Variants in ABI1 observed in about 807,000 individuals in gnomAD.
ABI1 encodes abl interactor 1.
Under a neutral mutation model 54.6 loss-of-function variants are expected in ABI1, and 14 were observed. That is an observed-to-expected ratio of 0.26 (90% confidence interval 0.17 to 0.40). The LOEUF is 0.40. ABI1 is among the 10% of genes least tolerant of loss of function. The pLI, the probability that ABI1 is intolerant of heterozygous loss-of-function variation, is 1.00. For missense variants in ABI1, 443 were observed against 598.3 expected (o/e 0.74, Z 2.71); for synonymous variants, 194 against 209.3 (o/e 0.93, Z 0.63).
At chr10:26,823,060 A>G in intron 2 of ABI1, 78 bp downstream of exon 2, 1 of 1,279,316 alleles carries the variant, frequency 7.8e-7, no homozygotes, top group Non-Finnish European at 1.1e-6. Context: ...AGAAATCCAT[A>G]CATGCAGGCT....
intron 9 of ABI1, among the ~76,000 whole-genome samples, chr10:26,754,746 A>C (rs995267218): frequency 1.3e-5 from 2 of 152,226 alleles, no homozygotes; most frequent in African/African-American, 4.8e-5. Flanking sequence ...AAATGAAGTA[A>C]ATTAAAAATA....
At chr10:26,789,314 G>C (rs1843130324) in intron 2 of ABI1, among the ~76,000 whole-genome samples, 1 of 152,122 alleles carries the variant, frequency 6.6e-6, no homozygotes, top group Non-Finnish European at 1.5e-5. Flanking sequence ...AATCAAAATA[G>C]AATATACATG....
chr10:26,822,738 G>C (rs1193299846), intron 2 of ABI1, among the ~76,000 whole-genome samples: 4 of 152,148 alleles, frequency 2.6e-5, no homozygotes, highest in Non-Finnish European at 4.4e-5. Flanking sequence ...AATTTGGCAG[G>C]GGGAAAGGGG....
At chr10:26,857,085 C>T (rs971265758) in intron 1 of ABI1, among the ~76,000 whole-genome samples, 3 of 152,054 alleles carry the variant, frequency 2.0e-5, no homozygotes, top group East Asian at 1.9e-4. Flanking sequence ...TTTGGGAGGC[C>T]GAGGAGGGCA....
At chr10:26,843,573 T>C (rs2049751813) in intron 1 of ABI1, among the ~76,000 whole-genome samples, 1 of 144,558 alleles carries the variant, frequency 6.9e-6, no homozygotes, top group South Asian at 2.2e-4. Context: ...TGTATTGCAA[T>C]TCTCCTCAGT....
At position 26,770,268 on chromosome 10, in the gene ABI1, G is replaced by A. The variant is rs1840506901; in HGVS notation, c.555C>T (p.Pro185=). 6.2e-7 allele frequency: 1 copy of A among 1,613,986 alleles called. No homozygotes were observed. Among genetic ancestry groups the A allele is most frequent in the East Asian group, 2.2e-5 (1 of 44,858 alleles). The part of the protein sequence containing the change: ...NPPTQKPPSP[P]MSGRGTLGRN... ...ACCCCAGTGTTCCCCGGCCTGACATGGGAGGACTTGGCGGTTTCTGAGTAG... is the reference window on the plus strand; with the variant it reads ...ACCCCAGTGTTCCCCGGCCTGACATAGGAGGACTTGGCGGTTTCTGAGTAG... Residue 185 remains proline, a synonymous_variant, in exon 5 of 11, where the codon CCC becomes CCT. Transcript: ENST00000376140.
intron 7 of ABI1, among the ~76,000 whole-genome samples, chr10:26,761,811 T>C (rs1289464254): frequency 2.0e-4 from 30 of 151,576 alleles, no homozygotes; most frequent in Admixed American, 2.0e-3. Context: ...TGGCTATGCA[T>C]ATCAATGTCA....
intron 2 of ABI1, among the ~76,000 whole-genome samples, chr10:26,821,094 AG>A (rs1414692793): frequency 2.7e-5 from 4 of 149,812 alleles, no homozygotes; most frequent in Non-Finnish European, 5.9e-5. Flanking sequence ...AATACAAAAA[AG>A]TTCACTGGGC....
At chr10:26,828,834 T>A (rs865902540) in intron 1 of ABI1, among the ~76,000 whole-genome samples, 1 of 152,244 alleles carries the variant, frequency 6.6e-6, no homozygotes. Context: ...TCATTAATTA[T>A]GTCACTGAGA....
At position 26,824,625 on chromosome 10, in the gene ABI1, G is replaced by A. The variant is rs142515849; in HGVS notation, c.118-1320C>T. Among the ~76,000 whole-genome samples the A allele has an allele frequency of 6.6e-5, 10 of 151,864 alleles. No individual in the cohort carries two copies. In the East Asian group the frequency reaches 1.5e-3, roughly 23 times the overall value. On this transcript the variant is annotated intron_variant, in intron 1 of 10. Coordinates refer to ENST00000376140, the MANE Select transcript of ABI1 (RefSeq NM_001012750.3). ...TTGCTAAGGTGAAAAAAAAAATGTG[G>A]GAAAAAATGTGTATAATATGCTACT...
At chr10:26,794,938 G>A (rs1843948809) in intron 2 of ABI1, among the ~76,000 whole-genome samples, 2 of 152,064 alleles carry the variant, frequency 1.3e-5, no homozygotes, top group Admixed American at 6.6e-5. Flanking sequence ...GAGGCCAGGA[G>A]TTTGAGACCA....
intron 2 of ABI1, among the ~76,000 whole-genome samples, chr10:26,779,931 A>C (rs1197587391): frequency 6.6e-6 from 1 of 152,228 alleles, no homozygotes; most frequent in Non-Finnish European, 1.5e-5. Flanking sequence ...GAAGAATCAG[A>C]AACTAGCTCA....
At chr10:26,828,679 C>T (rs996955122) in intron 1 of ABI1, among the ~76,000 whole-genome samples, 4 of 152,120 alleles carry the variant, frequency 2.6e-5, no homozygotes, top group African/African-American at 9.7e-5. Flanking sequence ...TTCGAATGTA[C>T]ATTCTTAATA....
intron 10 of ABI1, 113 bp from the exon 11 acceptor site, chr10:26,748,858 TTTC>T (rs1837245896): frequency 1.3e-5 from 10 of 784,634 alleles, no homozygotes; most frequent in Admixed American, 3.0e-5. Flanking sequence ...TTTATGAAGA[TTTC>T]TTAATTTTTG....
chr10:26,775,902 A>ACATG (rs1321573863), intron 3 of ABI1, among the ~76,000 whole-genome samples: 1 of 152,186 alleles, frequency 6.6e-6, no homozygotes, highest in African/African-American at 2.4e-5. Context: ...ATGTATACAT[A>ACATG]CATGCATGCA....
chr10:26,768,926 G>A lies in ABI1; in HGVS notation c.645C>T (p.Thr215=). The A allele has an allele frequency of 6.2e-7, 1 of 1,613,318 alleles. No individual in the cohort carries two copies. The highest frequency in any genetic ancestry group is 8.5e-7 in the Non-Finnish European group (1 of 1,179,446). The change falls in exon 6 of 11, where the codon ACC becomes ACT. Residue 215 remains threonine (T), a synonymous_variant. Transcript: ENST00000376140. ...GCTGACTTCCAAGCCTAGCAGGACTGGTCATATAGTCATTAGGAACTGTTG... is the reference window on the plus strand; with the variant it reads ...GCTGACTTCCAAGCCTAGCAGGACTAGTCATATAGTCATTAGGAACTGTTG... ...KPPTVPNDYM[T]SPARLGSQHS...
intron 2 of ABI1, among the ~76,000 whole-genome samples, chr10:26,810,054 T>C (rs545426338): frequency 2.6e-5 from 4 of 152,300 alleles, no homozygotes; most frequent in South Asian, 4.1e-4. Context: ...CTCCCCAGAT[T>C]TGTAGCTAGT....
chr10:26,768,797 G>T, intron 6 of ABI1, 55 bp downstream of exon 6: 1 of 1,516,734 alleles, frequency 6.6e-7, no homozygotes, highest in Non-Finnish European at 8.9e-7. Flanking sequence ...GGAGTTTGTC[G>T]CCAGTCAGTT....
chr10:26,829,245 CA>C (rs1267618493), intron 1 of ABI1, among the ~76,000 whole-genome samples: 1 of 150,638 alleles, frequency 6.6e-6, no homozygotes, highest in East Asian at 1.9e-4. Flanking sequence ...AAAAAAGCAC[CA>C]GTTTAAACCT....
Sources: gnomAD v4.1 joint callset for allele counts (sites outside exome capture counted in the v4.1 genomes callset) on GRCh38, gnomAD v4.1.1 for gene constraint, MANE v1.5 for transcripts, NCBI Gene and HGNC (gene_info 2026-07-23, HGNC 2026-07-21) for gene names.